ATP6V0A1: variants seen among roughly 807,000 people sequenced by gnomAD.
The protein encoded by ATP6V0A1 is V-type proton ATPase 116 kDa subunit a 1.
In ATP6V0A1, 43 loss-of-function variants were observed where a neutral mutation model predicts 105.4. The ratio of observed to expected loss-of-function variants is 0.41; its 90% CI spans 0.32 to 0.53. ATP6V0A1 has a LOEUF of 0.53. ATP6V0A1 is among the 20% of genes least tolerant of loss of function. ATP6V0A1 has a pLI of 0.30. For synonymous variants in ATP6V0A1, 362 were observed against 372.8 expected (o/e 0.97, Z 0.33); for missense variants, 676 against 1,051.1 (o/e 0.64, Z 4.93).
chr17:42,509,376 T>A (rs2092228613), intron 19 of ATP6V0A1, among the ~76,000 whole-genome samples: 1 of 152,202 alleles, frequency 6.6e-6, no homozygotes, highest in South Asian at 2.1e-4. Context: ...ACTGTTTGCA[T>A]CTTCCCCCAG....
At chr17:42,460,807 G>T (rs1345632979) in intron 1 of ATP6V0A1, 41 bp from the exon 2 acceptor site, 1 of 1,067,216 alleles carries the variant, frequency 9.4e-7, no homozygotes, top group South Asian at 1.3e-5. Context: ...CTTAGCCCTC[G>T]TGGTAATTTC....
intron 14 of ATP6V0A1, chr17:42,496,275 C>T (rs1228362389): frequency 6.6e-6 from 1 of 152,034 alleles, no homozygotes; most frequent in African/African-American, 2.4e-5. Context: ...ATTGATTTTT[C>T]AAGACTCCTT....
At chr17:42,461,069 A>G (rs1197973084) in intron 2 of ATP6V0A1, 58 bp downstream of exon 2, 1 of 1,394,442 alleles carries the variant, frequency 7.2e-7, no homozygotes, top group Non-Finnish European at 1.0e-6. Context: ...TATCGTGGTC[A>G]GATGCCTTAT....
chr17:42,507,116 A>C (rs955615123), intron 17 of ATP6V0A1, among the ~76,000 whole-genome samples: 1 of 152,206 alleles, frequency 6.6e-6, no homozygotes, highest in Admixed American at 6.5e-5. Context: ...TTCCTCTTAG[A>C]AAGTCTAATC....
In ATP6V0A1 at chr17:42,483,343, G is replaced by A. The variant is rs533877949; in HGVS notation, c.810+212G>A. 1.2e-4 allele frequency among the ~76,000 whole-genome samples: 18 copies of A among 152,252 alleles called. 1 individual carries two copies. The South Asian group carries it at 3.3e-3, about 28-fold the overall frequency. On this transcript the variant is annotated intron_variant, in intron 9 of 21. Transcript: ENST00000343619. ...GCATTAGCCATCCTCAAACGAGACA[G>A]GAATGTAAAGCATCTAGAATCGTTG...
chr17:42,469,306 G>A (rs1318874483), intron 4 of ATP6V0A1, among the ~76,000 whole-genome samples: 1 of 147,164 alleles, frequency 6.8e-6, no homozygotes, highest in Admixed American at 6.8e-5. Flanking sequence ...CTTCTACAAT[G>A]ACTTAGAAAG....
At position 42,458,943 on chromosome 17, in the gene ATP6V0A1, T is replaced by TTGCTGTGGCGGA; in HGVS notation, c.-67_-56dup. ...TTGGCTGCGGTGGTTTCTGTGGCGG[T>TTGCTGTGGCGGA]TGCTGTGGCGGAGTTTGGAGGTGAG... On this transcript the variant is annotated 5_prime_UTR_variant, in exon 1 of 22. The change creates a new upstream start codon in the 5' untranslated region. Coordinates refer to ENST00000343619, the MANE Select transcript of ATP6V0A1 (RefSeq NM_001130021.3). 1 of 153,390 alleles carries TTGCTGTGGCGGA rather than the reference T, an allele frequency of 6.5e-6. No individual in the cohort carries two copies. The highest frequency in any genetic ancestry group is 1.9e-4 in the East Asian group (1 of 5,354). 9.5% of individuals were successfully genotyped at this position (153,390 alleles called of 1,614,324 possible).
At chr17:42,514,945 T>C (rs1286811854) in intron 21 of ATP6V0A1, among the ~76,000 whole-genome samples, 1 of 152,086 alleles carries the variant, frequency 6.6e-6, no homozygotes, top group Admixed American at 6.5e-5. Context: ...GGCAGCTCCA[T>C]TGTGGACCGG....
At chr17:42,484,757 A>G (rs2089928587) in intron 9 of ATP6V0A1, among the ~76,000 whole-genome samples, 1 of 152,092 alleles carries the variant, frequency 6.6e-6, no homozygotes, top group Non-Finnish European at 1.5e-5. Flanking sequence ...TAATAAACAT[A>G]CTTAATCCCA....
intron 19 of ATP6V0A1, among the ~76,000 whole-genome samples, chr17:42,508,889 T>C (rs1205579938): frequency 6.6e-6 from 1 of 152,202 alleles, no homozygotes; most frequent in Non-Finnish European, 1.5e-5. Flanking sequence ...TTGAAGTGAC[T>C]CCTCTTGGGG....
At chr17:42,497,775 C>T (rs1428686571) in intron 14 of ATP6V0A1, among the ~76,000 whole-genome samples, 1 of 149,010 alleles carries the variant, frequency 6.7e-6, no homozygotes, top group Non-Finnish European at 1.5e-5. Flanking sequence ...CGGTGGCTCA[C>T]GCCTGTAATC....
rs183217954 is a variant in ATP6V0A1, at chr17:42,479,477, G to C, written c.633+888G>C. On this transcript the variant is annotated intron_variant, in intron 7 of 21. Transcript: ENST00000343619. Reference sequence around the variant, plus strand: ...CCTGCATTTAGGTATGGTGAGTCCTGATTTCAGGGAGTACCAGTGAAGATA... The same window carrying C: ...CCTGCATTTAGGTATGGTGAGTCCTCATTTCAGGGAGTACCAGTGAAGATA... Among the ~76,000 whole-genome samples, 14 of 152,340 alleles carry C rather than the reference G, an allele frequency of 9.2e-5. No homozygotes were observed. In the East Asian group the frequency reaches 2.7e-3, roughly 29 times the overall value.
chr17:42,504,013 G>A (rs1201372053), intron 17 of ATP6V0A1, among the ~76,000 whole-genome samples: 1 of 152,188 alleles, frequency 6.6e-6, no homozygotes, highest in Non-Finnish European at 1.5e-5. Flanking sequence ...AGATCTTAAT[G>A]CATTTAAGTC....
intron 2 of ATP6V0A1, among the ~76,000 whole-genome samples, chr17:42,461,283 C>G (rs2086366314): frequency 6.6e-6 from 1 of 152,062 alleles, no homozygotes; most frequent in African/African-American, 2.4e-5. Flanking sequence ...ACCAAACTAA[C>G]CTGATCAAGG....
Position 42,514,398 on chromosome 17 carries a change from C to T in ATP6V0A1, c.2358C>T (p.Thr786=), listed in dbSNP as rs760074250. The T allele has an allele frequency of 1.8e-5, 29 of 1,613,512 alleles. No homozygotes were observed. The Admixed American group carries it at 3.3e-4, about 19-fold the overall frequency. Residue 786 remains threonine (T), a synonymous_variant, in exon 21 of 22, where the codon ACC becomes ACT. Transcript: ENST00000343619. ...TCTTCACTGCCTTTGCCACCCTGACCGTGGCCATCCTCCTGATCATGGAGG... is the reference window on the plus strand; with the variant it reads ...TCTTCACTGCCTTTGCCACCCTGACTGTGGCCATCCTCCTGATCATGGAGG... ...FFFFTAFATL[T]VAILLIMEGL... is the part of the protein sequence containing the mutation.
At chr17:42,477,631 G>GAATTAATT in intron 5 of ATP6V0A1, 29 bp from the exon 6 acceptor site, 1 of 1,610,880 alleles carries the variant, frequency 6.2e-7, no homozygotes, top group Non-Finnish European at 8.5e-7. Context: ...ATTGATTTGT[G>GAATTAATT]AATTCAGGCT....
chr17:42,485,824 T>C (rs2090053826), intron 9 of ATP6V0A1, among the ~76,000 whole-genome samples: 1 of 152,228 alleles, frequency 6.6e-6, no homozygotes. Flanking sequence ...CCCAAAGTGC[T>C]GGGATTACAG....
intron 1 of ATP6V0A1, chr17:42,459,217 A>G (rs1446432781): frequency 6.6e-6 from 1 of 152,304 alleles, no homozygotes; most frequent in Non-Finnish European, 1.5e-5. Context: ...TTGGATAGGC[A>G]GAAGAATTTA....
chr17:42,489,460 C>T (rs1014830337), intron 10 of ATP6V0A1, among the ~76,000 whole-genome samples: 2 of 151,508 alleles, frequency 1.3e-5, no homozygotes, highest in Non-Finnish European at 2.9e-5. Flanking sequence ...GGTAGGGGTT[C>T]AGTTAGGAGG....
Sources: allele counts gnomAD v4.1 joint callset (sites outside exome capture counted in the v4.1 genomes callset), GRCh38; gene constraint gnomAD v4.1.1; transcripts MANE v1.5; gene names NCBI Gene and HGNC (gene_info 2026-07-23, HGNC 2026-07-21).